ZNF385D: variants seen among roughly 807,000 people sequenced by gnomAD.
ZNF385D encodes the protein zinc finger protein 659.
ZNF385D carries 15 observed loss-of-function variants against 35.8 expected under a neutral mutation model. That is an observed-to-expected ratio of 0.42 (90% confidence interval 0.28 to 0.64). ZNF385D has a LOEUF of 0.64. Among genes scored for constraint, ZNF385D ranks in the 30% least tolerant of loss-of-function variants. The pLI, the probability that ZNF385D is intolerant of heterozygous loss-of-function variation, is 0.23. For synonymous variants in ZNF385D, 212 were observed against 186.8 expected, an observed-to-expected ratio of 1.13 and a Z score of -1.10; for missense variants, 474 against 494.6, an observed-to-expected ratio of 0.96 and a Z score of 0.39.
At chr3:21,921,750 A>G (rs1282662679) in intron 3 of ZNF385D, among the ~76,000 whole-genome samples, 4 of 152,000 alleles carry the variant, frequency 2.6e-5, no homozygotes, top group African/African-American at 9.7e-5. Flanking sequence ...TAGAAAATAG[A>G]TAAATTTCTG....
chr3:22,337,058 A>G (rs1180939517), intron 2 of ZNF385D, among the ~76,000 whole-genome samples: 3 of 151,928 alleles, frequency 2.0e-5, no homozygotes, highest in African/African-American at 2.4e-5. Context: ...CTGCTGTCAA[A>G]GAGTAGAAAG....
At chr3:22,273,838 T>C (rs1701295236) in intron 2 of ZNF385D, among the ~76,000 whole-genome samples, 1 of 151,866 alleles carries the variant, frequency 6.6e-6, no homozygotes, top group South Asian at 2.1e-4. Context: ...ATTTGCACAA[T>C]TATAGAAGAT....
chr3:21,708,551 C>T (rs1301978279), intron 1 of ZNF385D, among the ~76,000 whole-genome samples: 1 of 152,160 alleles, frequency 6.6e-6, no homozygotes, highest in South Asian at 2.1e-4. Context: ...ACCCAAGTCC[C>T]AAAATGTGGA....
At chr3:21,642,880 A>G (rs58366165) in intron 2 of ZNF385D, among the ~76,000 whole-genome samples, 32 of 152,236 alleles carry the variant, frequency 2.1e-4, no homozygotes, top group African/African-American at 7.0e-4. Context: ...TATACCTCAT[A>G]CCTACAGTAG....
intron 2 of ZNF385D, among the ~76,000 whole-genome samples, chr3:22,336,902 G>A (rs1381849843): frequency 2.4e-4 from 1 of 4,204 alleles, no homozygotes; most frequent in African/African-American, 4.8e-4. Context: ...TGCAAACAGT[G>A]ATTTTTCAAA....
At chr3:22,193,878 C>T (rs1009443632) in intron 2 of ZNF385D, among the ~76,000 whole-genome samples, 12 of 151,956 alleles carry the variant, frequency 7.9e-5, no homozygotes, top group East Asian at 5.8e-4. Flanking sequence ...TGATTATAAC[C>T]GCTTTTAGAA....
At chr3:22,313,699 G>A (rs1027335516) in intron 2 of ZNF385D, among the ~76,000 whole-genome samples, 3 of 152,080 alleles carry the variant, frequency 2.0e-5, no homozygotes, top group Non-Finnish European at 2.9e-5. Context: ...TATAAAGATA[G>A]GGCAGAGTCA....
chr3:21,588,105 G>A (rs971761221), intron 2 of ZNF385D, among the ~76,000 whole-genome samples: 2 of 152,116 alleles, frequency 1.3e-5, no homozygotes, highest in Non-Finnish European at 2.9e-5. Context: ...GCAGTCTAGT[G>A]GGGATGACAA....
chr3:21,856,920 C>G (rs2250200), intron 3 of ZNF385D, among the ~76,000 whole-genome samples: 78,989 of 151,860 alleles, frequency 0.52, 20,817 homozygotes, highest in African/African-American at 0.58. Flanking sequence ...GGCATGAAAT[C>G]AAAACAAAAT....
intron 3 of ZNF385D, among the ~76,000 whole-genome samples, chr3:22,127,546 T>A (rs1482413113): frequency 6.6e-6 from 1 of 151,676 alleles, no homozygotes; most frequent in Admixed American, 6.6e-5. Flanking sequence ...CACCATGTTG[T>A]CCAGGCTGGT....
At chr3:21,810,610 G>A (rs1487411879) in intron 3 of ZNF385D, among the ~76,000 whole-genome samples, 1 of 151,940 alleles carries the variant, frequency 6.6e-6, no homozygotes, top group African/African-American at 2.4e-5. Context: ...AATAAAATTA[G>A]TTACTTTTAG....
Position 22,366,107 on chromosome 3 carries a change from A to G in ZNF385D, c.106+6343T>C, listed in dbSNP as rs532477476. Among the ~76,000 whole-genome samples the G allele has an allele frequency of 9.2e-5, 14 of 152,200 alleles. No homozygotes were observed. The East Asian group carries it at 2.7e-3, about 29-fold the overall frequency. On this transcript the variant is annotated intron_variant, in intron 2 of 5. Coordinates refer to the ZNF385D transcript ENST00000494108. ...CAGGTTATATACAGTACAATCAATC[A>G]GAGGAAGCAGAGTTCAAAATTTGGC...
chr3:21,731,654 A>G (rs2069000723), intron 1 of ZNF385D, among the ~76,000 whole-genome samples: 1 of 152,162 alleles, frequency 6.6e-6, no homozygotes, highest in Non-Finnish European at 1.5e-5. Flanking sequence ...TCTGTGTTCT[A>G]CCTATTAATC....
intron 3 of ZNF385D, among the ~76,000 whole-genome samples, chr3:21,903,160 TC>T (rs1188994361): frequency 1.3e-5 from 2 of 152,154 alleles, no homozygotes; most frequent in Non-Finnish European, 2.9e-5. Context: ...AATCTCCCGG[TC>T]ATCTTTCTAA....
intron 3 of ZNF385D, among the ~76,000 whole-genome samples, chr3:22,123,952 CTCTCTCTCTCTATATA>C (rs778957595): frequency 7.3e-4 from 75 of 102,110 alleles, no homozygotes; most frequent in Non-Finnish European, 9.0e-4. Context: ...CTCTCTCTCT[CTCTCTCTCTCTATATA>C]TATATATATA....
chr3:21,640,359 A>G (rs1295540352), intron 2 of ZNF385D, among the ~76,000 whole-genome samples: 1 of 152,102 alleles, frequency 6.6e-6, no homozygotes, highest in African/African-American at 2.4e-5. Flanking sequence ...TCTATCGCCA[A>G]ATAATGGAAA....
At chr3:22,276,817 T>C (rs1225812514) in intron 2 of ZNF385D, among the ~76,000 whole-genome samples, 1 of 152,102 alleles carries the variant, frequency 6.6e-6, no homozygotes, top group Non-Finnish European at 1.5e-5. Context: ...GGGTAAGAAA[T>C]ATAGAATGGA....
At chr3:21,749,969 T>TA (rs1387923077) in intron 1 of ZNF385D, among the ~76,000 whole-genome samples, 1 of 119,908 alleles carries the variant, frequency 8.3e-6, no homozygotes, top group Admixed American at 8.1e-5. Flanking sequence ...ATACATTTCC[T>TA]AGCCCCTCTC....
At chr3:21,851,151 A>G (rs186526408) in intron 3 of ZNF385D, among the ~76,000 whole-genome samples, 43 of 152,158 alleles carry the variant, frequency 2.8e-4, no homozygotes, top group Admixed American at 2.5e-3. Context: ...ACATTAAAAA[A>G]GAACCAAATA....
Sources: gnomAD v4.1 joint callset for allele counts (sites outside exome capture counted in the v4.1 genomes callset) on GRCh38, gnomAD v4.1.1 for gene constraint, MANE v1.5 for transcripts, NCBI Gene and HGNC (gene_info 2026-07-23, HGNC 2026-07-21) for gene names.